The following WNT7A variants were observed in gnomAD, a reference collection of about 807,000 sequenced individuals.
WNT7A encodes protein Wnt-7a.
In WNT7A, 16 loss-of-function variants were observed where a neutral mutation model predicts 28.2. That is an observed-to-expected ratio of 0.57 (90% CI 0.38 to 0.86). The LOEUF (loss-of-function observed/expected upper bound fraction) is 0.86, where lower values mean the gene tolerates loss of function less well. WNT7A is among the 40% of genes least tolerant of loss of function. The pLI is 0.00. For missense variants in WNT7A, 411 were observed against 489.7 expected, an observed-to-expected ratio of 0.84 and a Z score of 1.52; for synonymous variants, 190 against 195.9, an observed-to-expected ratio of 0.97 and a Z score of 0.25.
chr3:13,838,376 C>T (rs1694402885), intron 3 of WNT7A, among the ~76,000 whole-genome samples: 1 of 152,180 alleles, frequency 6.6e-6, no homozygotes, highest in African/African-American at 2.4e-5. Context: ...TCCTCTGAAA[C>T]CACGGTGTGC....
At chr3:13,843,118 C>G (rs142179000) in intron 3 of WNT7A, among the ~76,000 whole-genome samples, 29 of 152,320 alleles carry the variant, frequency 1.9e-4, no homozygotes, top group African/African-American at 7.0e-4. Flanking sequence ...ACCGCTCCTT[C>G]TCTTGAGTCT....
chr3:13,837,471 C>T (rs1694388975), intron 3 of WNT7A, among the ~76,000 whole-genome samples: 1 of 152,084 alleles, frequency 6.6e-6, no homozygotes, highest in Non-Finnish European at 1.5e-5. Flanking sequence ...CCCCCATCTG[C>T]TGTATTCGGG....
intron 2 of WNT7A, among the ~76,000 whole-genome samples, chr3:13,874,250 G>A (rs1695068153): frequency 6.6e-6 from 1 of 152,188 alleles, no homozygotes; most frequent in Non-Finnish European, 1.5e-5. Context: ...CACACAGCAC[G>A]GCCTCCTGCC....
chr3:13,867,720 G>A (rs1694933534), intron 2 of WNT7A, among the ~76,000 whole-genome samples: 1 of 152,170 alleles, frequency 6.6e-6, no homozygotes, highest in Non-Finnish European at 1.5e-5. Flanking sequence ...CCTGCACTGT[G>A]ACTACAACCA....
intron 2 of WNT7A, among the ~76,000 whole-genome samples, chr3:13,868,319 G>A (rs545419023): frequency 3.3e-5 from 5 of 151,914 alleles, no homozygotes; most frequent in East Asian, 1.9e-4. Context: ...AGTGAGACCC[G>A]TCTCTATAAG....
intron 2 of WNT7A, among the ~76,000 whole-genome samples, chr3:13,856,966 A>AAGG (rs1575069848): frequency 1.7e-5 from 2 of 120,016 alleles, no homozygotes; most frequent in African/African-American, 4.1e-5. Context: ...GAAGAAGAAG[A>AAGG]AGGAGAAGAA....
Position 13,818,159 on chromosome 3 carries a change from A to T in WNT7A, c.*785T>A, listed in dbSNP as rs1055291965. ...AGTCTCTTACAAAATATTCTCTCTT[A>T]TCCGGTGGCTCACTTTCCGAAAGAT... On this transcript the variant is annotated 3_prime_UTR_variant, in exon 4 of 4. Coordinates refer to ENST00000285018, the MANE Select transcript of WNT7A (RefSeq NM_004625.4). The T allele has an allele frequency of 3.3e-5, 5 of 152,074 alleles. No homozygotes were observed. The highest frequency in any genetic ancestry group is 1.2e-4 in the African/African-American group (5 of 41,400). 9.4% of individuals were successfully genotyped at this position (152,074 alleles called of 1,614,324 possible). A position where few individuals can be genotyped will look rare whatever the true frequency, so the allele number is the denominator to read the frequency against.
chr3:13,879,751 C>A lies in WNT7A; in HGVS notation c.66G>T (p.Arg22=). 6.2e-7 allele frequency: 1 copy of A among 1,612,774 alleles called. No homozygotes were observed. The highest frequency in any genetic ancestry group is 8.5e-7 in the Non-Finnish European group (1 of 1,179,264). The change falls in exon 1 of 4, where the codon CGG becomes CGT. Residue 22 remains arginine (R), a synonymous_variant. Transcript: ENST00000285018. ...LFLSLGMVYL[R]IGGFSSVVAL... Reference sequence around the variant, plus strand: ...AGGGCGCAGGCAGCCCTTACCCGATCCGGAGGTAGACCATGCCCAGGCTGA... The same window carrying A: ...AGGGCGCAGGCAGCCCTTACCCGATACGGAGGTAGACCATGCCCAGGCTGA...
Position 13,854,715 on chromosome 3 carries a change from G to T in WNT7A, c.387C>A (p.Ser129Arg), listed in dbSNP as rs144536868. 2 of 1,614,064 alleles carry T rather than the reference G, an allele frequency of 1.2e-6. No individual in the cohort carries two copies. The highest frequency in any genetic ancestry group is 1.7e-6 in the Non-Finnish European group (2 of 1,180,036). Residue 129 changes from serine to arginine, a missense_variant, in exon 3 of 4, where the codon AGC becomes AGA. Transcript: ENST00000285018. ...GCTTCTCTTTGTCGCAGCCACAGTC[G>T]CTCAGGTTGCCCTGGGTACAGGCAG... Reference protein sequence around the residue: ...ITAACTQGNLSDCGCDKEKQG... With the variant: ...ITAACTQGNLRDCGCDKEKQG...
chr3:13,843,163 CAG>C (rs1488311127), intron 3 of WNT7A, among the ~76,000 whole-genome samples: 1 of 152,212 alleles, frequency 6.6e-6, no homozygotes, highest in African/African-American at 2.4e-5. Flanking sequence ...ATGGACAAAA[CAG>C]AGTTTTAGAG....
intron 3 of WNT7A, among the ~76,000 whole-genome samples, chr3:13,828,976 C>T (rs1052169939): frequency 2.6e-5 from 4 of 152,208 alleles, no homozygotes; most frequent in African/African-American, 9.6e-5. Flanking sequence ...GGCACACTCT[C>T]TGGCTCTCCA....
intron 3 of WNT7A, among the ~76,000 whole-genome samples, chr3:13,824,501 C>T (rs575071260): frequency 6.6e-6 from 1 of 152,222 alleles, no homozygotes; most frequent in Non-Finnish European, 1.5e-5. Flanking sequence ...ACGCATCCAT[C>T]GGTCATTGGA....
chr3:13,865,232 G>A (rs561468320), intron 2 of WNT7A, among the ~76,000 whole-genome samples: 4 of 152,186 alleles, frequency 2.6e-5, no homozygotes, highest in African/African-American at 7.2e-5. Flanking sequence ...TTAATATGCC[G>A]GCAGGCACCC....
At chr3:13,820,251 A>G (rs1191779909) in intron 3 of WNT7A, among the ~76,000 whole-genome samples, 1 of 152,182 alleles carries the variant, frequency 6.6e-6, no homozygotes, top group Non-Finnish European at 1.5e-5. Flanking sequence ...CAGACTGTCA[A>G]ATTGCTTTTG....
intron 3 of WNT7A, among the ~76,000 whole-genome samples, chr3:13,842,960 C>T (rs1261635930): frequency 6.6e-6 from 1 of 152,128 alleles, no homozygotes; most frequent in Non-Finnish European, 1.5e-5. Context: ...GCAGAGGCCC[C>T]CTCTGGAAGT....
chr3:13,876,178 G>T (rs1000558918), intron 1 of WNT7A, among the ~76,000 whole-genome samples: 1 of 152,188 alleles, frequency 6.6e-6, no homozygotes, highest in African/African-American at 2.4e-5. Context: ...GCATCTGTGG[G>T]AAGATCTGGA....
At chr3:13,845,053 A>AGGGGGCTCTC (rs1694517595) in intron 3 of WNT7A, among the ~76,000 whole-genome samples, 1 of 152,214 alleles carries the variant, frequency 6.6e-6, no homozygotes, top group Admixed American at 6.5e-5. Flanking sequence ...TACCTCACTT[A>AGGGGGCTCTC]GGGGGCTCTC....
intron 3 of WNT7A, among the ~76,000 whole-genome samples, chr3:13,839,506 A>G (rs1301983575): frequency 6.6e-6 from 1 of 152,214 alleles, no homozygotes; most frequent in Non-Finnish European, 1.5e-5. Context: ...GCTTTTAAGA[A>G]GAAAAGGGCA....
At chr3:13,844,138 C>G (rs901445300) in intron 3 of WNT7A, among the ~76,000 whole-genome samples, 6 of 152,144 alleles carry the variant, frequency 3.9e-5, no homozygotes, top group Non-Finnish European at 8.8e-5. Flanking sequence ...AGAGGCTGCA[C>G]CAAGGATGAA....
Sources: gnomAD v4.1 joint callset for allele counts (sites outside exome capture counted in the v4.1 genomes callset) on GRCh38, gnomAD v4.1.1 for gene constraint, MANE v1.5 for transcripts, NCBI Gene and HGNC (gene_info 2026-07-23, HGNC 2026-07-21) for gene names.